Variants in NAV3 observed in about 807,000 individuals in gnomAD.
NAV3 encodes pore membrane and/or filament interacting like protein 1.
Under a neutral mutation model 244.7 loss-of-function variants are expected in NAV3, and 87 were observed. The ratio of observed to expected loss-of-function variants is 0.36; its 90% CI spans 0.30 to 0.42. The LOEUF (loss-of-function observed/expected upper bound fraction) is 0.42. NAV3 is among the 20% of genes least tolerant of loss of function. NAV3 has a pLI of 1.00. For missense variants in NAV3, 2,663 were observed against 2,893.3 expected (o/e 0.92, Z 1.83); for synonymous variants, 1,126 against 1,042.2 (o/e 1.08, Z -1.55).
chr12:78,105,517 A>C (rs1243381916), intron 12 of NAV3, among the ~76,000 whole-genome samples: 1 of 152,044 alleles, frequency 6.6e-6, no homozygotes, highest in Non-Finnish European at 1.5e-5. Context: ...CAGTTTCGTT[A>C]TATGCTTGGG....
At chr12:78,124,502 G>A (rs1052238434) in intron 16 of NAV3, among the ~76,000 whole-genome samples, 2 of 152,162 alleles carry the variant, frequency 1.3e-5, no homozygotes, top group African/African-American at 2.4e-5. Flanking sequence ...CGCCCAGGCT[G>A]GAGGGCAGTG....
At chr12:77,921,395 G>A (rs1361663280) in intron 1 of NAV3, among the ~76,000 whole-genome samples, 1 of 152,014 alleles carries the variant, frequency 6.6e-6, no homozygotes, top group Admixed American at 6.6e-5. Flanking sequence ...ACAAGGATTA[G>A]CCAAGGTAGG....
At chr12:77,892,626 G>A (rs181478795) in intron 1 of NAV3, among the ~76,000 whole-genome samples, 19 of 152,094 alleles carry the variant, frequency 1.2e-4, no homozygotes, top group African/African-American at 4.3e-4. Context: ...GGTGTTAGCC[G>A]GGATGGTCTC....
chr12:77,692,289 T>G (rs1034578970), intron 2 of NAV3, among the ~76,000 whole-genome samples: 1 of 152,126 alleles, frequency 6.6e-6, no homozygotes, highest in African/African-American at 2.4e-5. Context: ...TTTACATTTA[T>G]GATTTTACTA....
chr12:78,127,045 A>G, intron 16 of NAV3, 122 bp from the exon 17 acceptor site: 2 of 827,944 alleles, frequency 2.4e-6, no homozygotes, highest in Non-Finnish European at 1.9e-6. Flanking sequence ...TCAATGAGTT[A>G]AGCATTATAT....
intron 2 of NAV3, among the ~76,000 whole-genome samples, chr12:77,787,455 A>T (rs1405442422): frequency 6.6e-6 from 1 of 152,190 alleles, no homozygotes; most frequent in African/African-American, 2.4e-5. Context: ...AGACCTCAGG[A>T]AACTTACAAT....
chr12:77,830,671 G>A (rs1873516220), upstream of NAV3, among the ~76,000 whole-genome samples: 1 of 152,188 alleles, frequency 6.6e-6, no homozygotes, highest in Non-Finnish European at 1.5e-5. Flanking sequence ...ATTTTAGCCT[G>A]ATTTCATGGG....
intron 22 of NAV3, 65 bp from the exon 23 acceptor site, chr12:78,159,138 A>C (rs1957421021): frequency 5.1e-6 from 7 of 1,360,180 alleles, no homozygotes; most frequent in Non-Finnish European, 6.2e-6. Context: ...TGTAAAATGA[A>C]GGCTTTTCAT....
At chr12:78,094,953 A>G (rs1324050501) in intron 12 of NAV3, among the ~76,000 whole-genome samples, 2 of 151,572 alleles carry the variant, frequency 1.3e-5, no homozygotes, top group African/African-American at 4.8e-5. Flanking sequence ...AGGCTGAGGC[A>G]GGAGAATCGC....
chr12:78,191,768 G>T (rs367997876), intron 34 of NAV3, among the ~76,000 whole-genome samples: 2 of 152,048 alleles, frequency 1.3e-5, no homozygotes, highest in African/African-American at 4.8e-5. Context: ...AAGCCTTTTA[G>T]CACAGTTTTA....
chr12:78,133,157 C>T (rs965034546), intron 18 of NAV3, among the ~76,000 whole-genome samples: 11 of 151,962 alleles, frequency 7.2e-5, no homozygotes, highest in East Asian at 1.9e-4. Flanking sequence ...TATTCCTGTC[C>T]GTGTCAACAT....
At chr12:77,630,842 G>C (rs1871861949) in intron 2 of NAV3, among the ~76,000 whole-genome samples, 1 of 152,148 alleles carries the variant, frequency 6.6e-6, no homozygotes, top group Non-Finnish European at 1.5e-5. Flanking sequence ...CCCTCTGAAT[G>C]CTAGGTGAAC....
chr12:77,691,668 G>A (rs1030113273), intron 2 of NAV3, among the ~76,000 whole-genome samples: 3 of 151,524 alleles, frequency 2.0e-5, no homozygotes, highest in Admixed American at 6.6e-5. Flanking sequence ...TTCACAAATG[G>A]TGTACCTTTA....
intron 1 of NAV3, among the ~76,000 whole-genome samples, chr12:77,891,951 T>C (rs1484195440): frequency 6.6e-6 from 1 of 152,182 alleles, no homozygotes; most frequent in African/African-American, 2.4e-5. Flanking sequence ...GCCACTGGTC[T>C]AGTAGAAGCC....
At chr12:78,184,110 T>G (rs2139781991) in intron 30 of NAV3, among the ~76,000 whole-genome samples, 1 of 152,020 alleles carries the variant, frequency 6.6e-6, no homozygotes, top group South Asian at 2.1e-4. Context: ...TTGTTTGGTT[T>G]ATATTAGCAG....
intron 2 of NAV3, among the ~76,000 whole-genome samples, chr12:77,653,582 AT>A (rs1246280506): frequency 6.6e-6 from 1 of 152,186 alleles, no homozygotes; most frequent in Non-Finnish European, 1.5e-5. Context: ...TACAGAACAC[AT>A]TTTTTATAGC....
chr12:77,645,524 GCTCTCT>G (rs71813545), intron 2 of NAV3, among the ~76,000 whole-genome samples: 1 of 115,548 alleles, frequency 8.7e-6, no homozygotes, highest in African/African-American at 3.7e-5. Context: ...TTCATGGAGA[GCTCTCT>G]CTCTCTAAAA....
intron 20 of NAV3, among the ~76,000 whole-genome samples, chr12:78,142,216 C>A (rs1270693591): frequency 6.6e-6 from 1 of 152,012 alleles, no homozygotes; most frequent in Admixed American, 6.6e-5. Context: ...ATACCACATG[C>A]ACCCCATAAA....
intron 12 of NAV3, among the ~76,000 whole-genome samples, chr12:78,095,878 G>C (rs1231142655): frequency 6.6e-6 from 1 of 152,174 alleles, no homozygotes; most frequent in African/African-American, 2.4e-5. Flanking sequence ...CTGAAATCCA[G>C]ATGACACTCT....
Sources: allele counts gnomAD v4.1 joint callset (sites outside exome capture counted in the v4.1 genomes callset), GRCh38; gene constraint gnomAD v4.1.1; transcripts MANE v1.5; gene names NCBI Gene and HGNC (gene_info 2026-07-23, HGNC 2026-07-21).